LINGO2: variants seen among roughly 807,000 people sequenced by gnomAD.
LINGO2 encodes leucine-rich repeat and immunoglobulin-like domain-containing nogo receptor-interacting protein 2.
In LINGO2, 14 loss-of-function variants were observed where a neutral mutation model predicts 30.6. That is an observed-to-expected ratio of 0.46 (90% CI 0.30 to 0.72). The LOEUF is 0.72. LINGO2 is among the 30% of genes least tolerant of loss of function. The probability of loss-of-function intolerance (pLI) is 0.07; values close to 1 mark genes in which losing one functional copy is unlikely to be tolerated. For synonymous variants in LINGO2, 317 were observed against 288.5 expected (o/e 1.10, Z -1.00); for missense variants, 729 against 751.7 (o/e 0.97, Z 0.35).
At chr9:29,035,075 G>A in the LINGO2 span, among the ~76,000 whole-genome samples, 1 of 151,942 alleles carries the variant, frequency 6.6e-6, no homozygotes, top group Non-Finnish European at 1.5e-5. Flanking sequence ...CTCTTTAGAT[G>A]ATTAAATAAT....
At chr9:28,378,214 C>T (rs759761229) in intron 2 of LINGO2, among the ~76,000 whole-genome samples, 16 of 152,172 alleles carry the variant, frequency 1.1e-4, no homozygotes, top group African/African-American at 3.1e-4. Context: ...GTATCCTAAC[C>T]TGTCCATGGT....
the LINGO2 span, among the ~76,000 whole-genome samples, chr9:28,940,934 T>G: frequency 6.6e-6 from 1 of 151,322 alleles, no homozygotes; most frequent in Non-Finnish European, 1.5e-5. Flanking sequence ...TAAATGCCCC[T>G]GAAAAGAGAA....
the LINGO2 span, among the ~76,000 whole-genome samples, chr9:29,074,634 TA>T: frequency 4.0e-5 from 6 of 151,384 alleles, no homozygotes; most frequent in Non-Finnish European, 8.8e-5. Context: ...TGTTTTCTGC[TA>T]AACACATAAG....
chr9:28,231,027 A>G (rs561366799), intron 4 of LINGO2, among the ~76,000 whole-genome samples: 13 of 151,944 alleles, frequency 8.6e-5, no homozygotes, highest in Non-Finnish European at 1.6e-4. Context: ...CACACATTTC[A>G]TGAGTTCCTA....
the LINGO2 span, among the ~76,000 whole-genome samples, chr9:28,712,858 T>A: frequency 7.4e-4 from 112 of 152,204 alleles, 1 homozygote; most frequent in East Asian, 0.013. Flanking sequence ...TAATTTTTTT[T>A]AAATTTTCAT....
chr9:29,099,156 G>A, the LINGO2 span, among the ~76,000 whole-genome samples: 1 of 152,178 alleles, frequency 6.6e-6, no homozygotes, highest in Admixed American at 6.6e-5. Flanking sequence ...AATCGATAGT[G>A]CTGGGAAAAC....
the LINGO2 span, among the ~76,000 whole-genome samples, chr9:28,899,832 A>G: frequency 6.6e-6 from 1 of 152,074 alleles, no homozygotes; most frequent in Non-Finnish European, 1.5e-5. Context: ...CTGTTGCCCC[A>G]TCGTCCAAGG....
intron 4 of LINGO2, among the ~76,000 whole-genome samples, chr9:28,138,283 A>AT (rs1181036557): frequency 6.6e-6 from 1 of 152,108 alleles, no homozygotes; most frequent in Admixed American, 6.5e-5. Context: ...CTGGACTCTG[A>AT]TTTTTTTCCT....
chr9:27,989,421 A>G (rs1379454518), intron 5 of LINGO2, among the ~76,000 whole-genome samples: 1 of 151,136 alleles, frequency 6.6e-6, no homozygotes, highest in Non-Finnish European at 1.5e-5. Context: ...GTACTTATTT[A>G]ATGAATAACA....
chr9:28,817,773 T>C, the LINGO2 span, among the ~76,000 whole-genome samples: 1 of 152,160 alleles, frequency 6.6e-6, no homozygotes. Context: ...CAATGTATTT[T>C]GGGGAAGATG....
the LINGO2 span, among the ~76,000 whole-genome samples, chr9:28,892,057 C>T: frequency 6.6e-6 from 1 of 151,770 alleles, no homozygotes; most frequent in East Asian, 1.9e-4. Flanking sequence ...CTGGGTCTTT[C>T]TTTATAAATT....
intron 2 of LINGO2, among the ~76,000 whole-genome samples, chr9:28,468,038 G>C (rs1055107393): frequency 6.6e-6 from 1 of 151,982 alleles, no homozygotes; most frequent in Non-Finnish European, 1.5e-5. Context: ...AAAGCTCAAA[G>C]CCCTTTTATC....
chr9:28,059,215 C>T (rs1587789822), intron 4 of LINGO2, among the ~76,000 whole-genome samples: 1 of 152,058 alleles, frequency 6.6e-6, no homozygotes, highest in Non-Finnish European at 1.5e-5. Context: ...CTTATAAATG[C>T]TAAACCGTCA....
chr9:28,847,741 T>C, the LINGO2 span, among the ~76,000 whole-genome samples: 1 of 102,224 alleles, frequency 9.8e-6, no homozygotes, highest in Non-Finnish European at 2.1e-5. Flanking sequence ...TGTGTATATA[T>C]ATATGTTATA....
chr9:28,725,805 GA>G, the LINGO2 span, among the ~76,000 whole-genome samples: 38,935 of 151,694 alleles, frequency 0.26, 5,413 homozygotes, highest in Admixed American at 0.41. Context: ...AATTAACATT[GA>G]AAAAAATCCT....
intron 1 of LINGO2, chr9:28,598,529 G>A (rs1275020354): frequency 6.6e-6 from 1 of 152,220 alleles, no homozygotes; most frequent in Non-Finnish European, 1.5e-5. Flanking sequence ...AGGTGGCCAG[G>A]AGCCTGCCAA....
intron 2 of LINGO2, among the ~76,000 whole-genome samples, chr9:28,414,124 A>C (rs1017178701): frequency 1.3e-5 from 2 of 151,970 alleles, no homozygotes; most frequent in Non-Finnish European, 2.9e-5. Flanking sequence ...TAAGCTTTCT[A>C]CCCCAGGGCT....
chr9:28,288,059 T>G (rs929058508), intron 4 of LINGO2, among the ~76,000 whole-genome samples: 6 of 152,140 alleles, frequency 3.9e-5, no homozygotes, highest in Admixed American at 6.5e-5. Context: ...TGAACGCTCT[T>G]AGTTTATCAT....
At chr9:28,633,751 T>C (rs892878145) in intron 1 of LINGO2, among the ~76,000 whole-genome samples, 1 of 152,240 alleles carries the variant, frequency 6.6e-6, no homozygotes, top group African/African-American at 2.4e-5. Context: ...TCTGTTGGCT[T>C]AGCCTAACAT....
Sources: allele counts gnomAD v4.1 joint callset (sites outside exome capture counted in the v4.1 genomes callset), GRCh38; gene constraint gnomAD v4.1.1; transcripts MANE v1.5; gene names NCBI Gene and HGNC (gene_info 2026-07-23, HGNC 2026-07-21).